The following GLI3 variants were observed in gnomAD, a reference collection of about 807,000 sequenced individuals.
GLI3 encodes transcription activator GLI3.
A neutral mutation model predicts 100.8 loss-of-function variants in GLI3; 20 were observed. That is an observed-to-expected ratio of 0.20 (90% CI 0.14 to 0.29). The LOEUF is 0.29. Ranked by LOEUF, GLI3 falls within the 10% of genes least tolerant of loss-of-function variation. The pLI is 1.00. For synonymous variants in GLI3, 938 were observed against 860.5 expected, an observed-to-expected ratio of 1.09 and a Z score of -1.58; for missense variants, 2,040 against 2,128.5, an observed-to-expected ratio of 0.96 and a Z score of 0.82.
rs1344817637 is a variant in GLI3 at position 42,035,838 on chromosome 7, G to A, written c.1028+4200C>T. Among the ~76,000 whole-genome samples, 5 of 152,154 alleles carry A rather than the reference G, an allele frequency of 3.3e-5. No homozygotes were observed. In the South Asian group the frequency reaches 8.3e-4, roughly 25 times the overall value. ...TAACTATGTAGAGTGGGGGTTACTG[G>A]CTGTATTTGATAAATATAAATTATC... On this transcript the variant is annotated intron_variant, in intron 7 of 14. Coordinates refer to ENST00000395925, the MANE Select transcript of GLI3 (RefSeq NM_000168.6).
chr7:42,000,153 G>GA (rs1210777743), intron 10 of GLI3, among the ~76,000 whole-genome samples: 1 of 152,208 alleles, frequency 6.6e-6, no homozygotes, highest in African/African-American at 2.4e-5. Context: ...GATGGAGAAA[G>GA]AAAATGTATA....
intron 3 of GLI3, among the ~76,000 whole-genome samples, chr7:42,135,105 G>T (rs1434135230): frequency 2.0e-5 from 3 of 152,024 alleles, no homozygotes; most frequent in Non-Finnish European, 4.4e-5. Flanking sequence ...TTTTACACTT[G>T]TTGATATGCA....
chr7:42,224,961 T>C (rs1391386075), intron 1 of GLI3, among the ~76,000 whole-genome samples: 2 of 152,170 alleles, frequency 1.3e-5, no homozygotes, highest in Admixed American at 1.3e-4. Context: ...CCCCAGAAAA[T>C]ACCCTTAAAC....
intron 10 of GLI3, among the ~76,000 whole-genome samples, chr7:41,983,039 G>A (rs886216790): frequency 3.3e-5 from 5 of 152,160 alleles, no homozygotes; most frequent in Non-Finnish European, 5.9e-5. Context: ...AAACTTTCAC[G>A]TGTCACAAAA....
At chr7:42,166,335 G>C (rs3779162) in intron 2 of GLI3, among the ~76,000 whole-genome samples, 3 of 152,186 alleles carry the variant, frequency 2.0e-5, no homozygotes, top group Non-Finnish European at 4.4e-5. Flanking sequence ...TATTCTACAG[G>C]TGAATAAATA....
chr7:42,167,902 A>T (rs1787276714), intron 2 of GLI3, among the ~76,000 whole-genome samples: 1 of 152,320 alleles, frequency 6.6e-6, no homozygotes, highest in South Asian at 2.1e-4. Flanking sequence ...CAGGATCCAG[A>T]TTTGGTACAT....
chr7:42,125,566 T>C (rs1424279218), intron 3 of GLI3, among the ~76,000 whole-genome samples: 2 of 152,212 alleles, frequency 1.3e-5, no homozygotes, highest in African/African-American at 4.8e-5. Flanking sequence ...TCTGACCTCC[T>C]TGAGCTGAGA....
chr7:42,090,491 A>G (rs1785194712), intron 3 of GLI3, among the ~76,000 whole-genome samples: 1 of 152,218 alleles, frequency 6.6e-6, no homozygotes, highest in African/African-American at 2.4e-5. Flanking sequence ...GTTCCTTCTA[A>G]GTCCTTCTTC....
At chr7:42,097,441 C>G (rs989237059) in intron 3 of GLI3, among the ~76,000 whole-genome samples, 2 of 152,160 alleles carry the variant, frequency 1.3e-5, no homozygotes, top group African/African-American at 4.8e-5. Flanking sequence ...GGCCCAGGCT[C>G]TGGTTAAGCA....
rs569117926 is a variant in GLI3 at position 42,124,802 on chromosome 7, G to GC, written c.367+23423_367+23424insG. Among the ~76,000 whole-genome samples, 380 of 152,254 alleles carry GC rather than the reference G, an allele frequency of 2.5e-3. 2 individuals are homozygous for GC. The highest frequency in any genetic ancestry group is 0.017 in the Middle Eastern group (5 of 294). On this transcript the variant is annotated intron_variant, in intron 3 of 14. Transcript: ENST00000395925. ...TTTAGTTGTTGCCATTGGTGCTGCTGTGTGTGTGAAAAAAGTCAGAAATAA... is the reference window on the plus strand; with the variant it reads ...TTTAGTTGTTGCCATTGGTGCTGCTGCTGTGTGTGAAAAAAGTCAGAAATAA...
chr7:42,024,405 T>C (rs1056749961), intron 9 of GLI3, among the ~76,000 whole-genome samples: 2 of 150,426 alleles, frequency 1.3e-5, no homozygotes, highest in African/African-American at 4.9e-5. Flanking sequence ...TCTGGCGATA[T>C]GCAAGAGGAA....
chr7:42,240,382 CA>C (rs1001749594), upstream of GLI3, among the ~76,000 whole-genome samples: 2 of 152,118 alleles, frequency 1.3e-5, no homozygotes, highest in African/African-American at 2.4e-5. Flanking sequence ...AACAAAGTAC[CA>C]AAAACTGGAT....
chr7:41,992,491 G>C (rs75596783), intron 10 of GLI3, among the ~76,000 whole-genome samples: 2 of 152,188 alleles, frequency 1.3e-5, no homozygotes, highest in East Asian at 3.9e-4. Flanking sequence ...GCTGATGCAG[G>C]AATGTGGGCC....
chr7:42,000,357 T>G (rs934816038), intron 10 of GLI3, among the ~76,000 whole-genome samples: 6 of 152,180 alleles, frequency 3.9e-5, no homozygotes, highest in African/African-American at 1.4e-4. Flanking sequence ...AGAAACAATG[T>G]AAAATAAATC....
chr7:42,089,344 T>C (rs1785169377), intron 3 of GLI3, among the ~76,000 whole-genome samples: 1 of 152,218 alleles, frequency 6.6e-6, no homozygotes, highest in South Asian at 2.1e-4. Context: ...TTCCAACTGT[T>C]ACTAATGACT....
intron 4 of GLI3, among the ~76,000 whole-genome samples, chr7:42,065,631 T>G (rs1235487211): frequency 6.6e-6 from 1 of 152,166 alleles, no homozygotes; most frequent in Non-Finnish European, 1.5e-5. Flanking sequence ...TAATTTTGTT[T>G]TTGTTGTTCA....
intron 1 of GLI3, among the ~76,000 whole-genome samples, chr7:42,229,709 T>C (rs1472116365): frequency 1.3e-5 from 2 of 152,186 alleles, no homozygotes; most frequent in Non-Finnish European, 2.9e-5. Context: ...ATTAAAGATA[T>C]GTACCTCCCT....
Position 41,967,720 on chromosome 7 carries a change from C to T in GLI3, c.2307G>A (p.Pro769=), listed in dbSNP as rs766163765. The T allele has an allele frequency of 2.8e-5, 45 of 1,614,152 alleles. No homozygotes were observed. Among genetic ancestry groups the T allele is most frequent in the South Asian group, 3.3e-5 (3 of 91,086 alleles). ...CGTGCTCCATCCATTTGGTCCCTGC[C>T]GGGTTTCTCCTGGCTTGCAAAGCAA... ...TALALQARRN[P]AGTKWMEHVK... Residue 769 remains proline (P), a synonymous_variant, in exon 14 of 15, where the codon CCG becomes CCA. Coordinates refer to ENST00000395925, the MANE Select transcript of GLI3 (RefSeq NM_000168.6).
rs1787090159 is a variant in GLI3, at chr7:41,964,171, TC to T, written c.*158del. 1.6e-6 allele frequency: 1 copy of T among 630,792 alleles called. No homozygotes were observed. Among genetic ancestry groups the T allele is most frequent in the African/African-American group, 1.8e-5 (1 of 54,346 alleles). 39.1% of individuals were successfully genotyped at this position (630,792 alleles called of 1,614,324 possible). ...TAGAATACTTTAGGGTTTTTCAGAGTCCTTTTCCATAAAAGGAATATAATTG... is the reference window on the plus strand; with the variant it reads ...TAGAATACTTTAGGGTTTTTCAGAGTCTTTTCCATAAAAGGAATATAATTG... On this transcript the variant is annotated 3_prime_UTR_variant, in exon 15 of 15. Coordinates refer to ENST00000395925, the MANE Select transcript of GLI3 (RefSeq NM_000168.6).
Sources: gnomAD v4.1 joint callset for allele counts (sites outside exome capture counted in the v4.1 genomes callset) on GRCh38, gnomAD v4.1.1 for gene constraint, MANE v1.5 for transcripts, NCBI Gene and HGNC (gene_info 2026-07-23, HGNC 2026-07-21) for gene names.